SMARCA1: variants seen among roughly 807,000 people sequenced by gnomAD.
The protein encoded by SMARCA1 is SNF2 related chromatin remodeling ATPase 1, also known as SWI/SNF-related matrix-associated actin-dependent regulator of chromatin subfamily A member 1.
SMARCA1 carries 17 observed loss-of-function variants against 93.6 expected under a neutral mutation model. The ratio of observed to expected loss-of-function variants is 0.18; its 90% CI spans 0.12 to 0.27. SMARCA1 has a LOEUF of 0.27. Among genes scored for constraint, SMARCA1 ranks in the 10% least tolerant of loss-of-function variants. The pLI, the probability that SMARCA1 is intolerant of heterozygous loss-of-function variation, is 1.00. For synonymous variants in SMARCA1, 271 were observed against 271.4 expected (o/e 1.00, Z 0.01); for missense variants, 630 against 819.0 (o/e 0.77, Z 2.82).
chrX:129,515,808 C>T lies in SMARCA1; in HGVS notation c.530-21G>A, dbSNP rs201409449. ...CACATCTGGTGAAAAAATGCAAGGA[C>T]ATTTCATACTTTCATTAACATACTC... On this transcript the variant is annotated intron_variant, in intron 4 of 24. Transcript: ENST00000371121. 1.2e-4 allele frequency: 142 copies of T among 1,152,307 alleles called. No individual in the cohort carries two copies. The African/African-American group carries it at 1.9e-3, about 16-fold the overall frequency. 95.0% of individuals were successfully genotyped at this position (1,152,307 alleles called of 1,213,427 possible).
At chrX:129,490,400 TC>T (rs1240294105) in intron 14 of SMARCA1, among the ~76,000 whole-genome samples, 2 of 112,125 alleles carry the variant, frequency 1.8e-5, no homozygotes, top group Non-Finnish European at 3.8e-5. Context: ...ATGGGAAACT[TC>T]CAGGACAAAG....
intron 19 of SMARCA1, among the ~76,000 whole-genome samples, chrX:129,474,908 A>G (rs999677278): frequency 9.0e-5 from 10 of 110,764 alleles, no homozygotes; most frequent in African/African-American, 3.0e-4. Context: ...ATGGTGTTAC[A>G]AAGAGGAATT....
chrX:129,489,985 TA>T lies in SMARCA1; in HGVS notation c.1948+74del, dbSNP rs757636053. On this transcript the variant is annotated intron_variant, in intron 15 of 24. Transcript: ENST00000371121. The stretch of plus-strand genomic sequence containing the variant: ...TTTTCAAATTTTGGTCAACTTTTAT[TA>T]AAAGTAATCTCCTTTGAAGAAAACT... 2,952 of 801,486 alleles carry T rather than the reference TA, an allele frequency of 3.7e-3. 2 individuals are homozygous for T. Among genetic ancestry groups the T allele is most frequent in the Non-Finnish European group, 4.7e-3 (2,663 of 571,374 alleles). The allele number at this position is 801,486 out of a possible 1,213,427, so 66.1% of individuals were successfully genotyped here.
chrX:129,464,814 T>A (rs12387310), intron 23 of SMARCA1, among the ~76,000 whole-genome samples: 19,419 of 111,081 alleles, frequency 0.17, 1,493 homozygotes, highest in East Asian at 0.33. Flanking sequence ...TAATGTGCCT[T>A]CTGATGGGAT....
chrX:129,497,019 ACACC>A (rs1934361245), intron 11 of SMARCA1, 148 bp from the exon 12 acceptor site: 3 of 415,105 alleles, frequency 7.2e-6, no homozygotes, highest in Non-Finnish European at 1.2e-5. Context: ...ACACACACAC[ACACC>A]CCCACACACC....
chrX:129,492,512 A>C lies in SMARCA1; in HGVS notation c.1663-419T>G, dbSNP rs191938975. Among the ~76,000 whole-genome samples, 79 of 111,553 alleles carry C rather than the reference A, an allele frequency of 7.1e-4. 1 individual carries two copies. Among genetic ancestry groups the C allele is most frequent in the African/African-American group, 2.5e-3 (76 of 30,814 alleles). ...CAGAAATCTCAACTTCATTTCCATT[A>C]GCTTATGAATGATTAGTTTAGAAGA... On this transcript the variant is annotated intron_variant, in intron 13 of 24. Transcript: ENST00000371121.
Position 129,518,294 on chromosome X carries a change from C to T in SMARCA1, c.261+67G>A, listed in dbSNP as rs1218511502. The T allele has an allele frequency of 1.5e-5, 9 of 587,000 alleles. No individual in the cohort carries two copies. The East Asian group carries it at 3.2e-4, about 21-fold the overall frequency. The allele number at this position is 587,000 out of a possible 1,213,427, so 48.4% of individuals were successfully genotyped here. On this transcript the variant is annotated intron_variant, in intron 2 of 24. Coordinates refer to ENST00000371121, the MANE Select transcript of SMARCA1 (RefSeq NM_001282874.2). ...CATTATATATATACATGTATTTTTT[C>T]ATCTTTAACATCTCAACTATAAAAA...
chrX:129,447,367 T>C (rs1932057187), intron 24 of SMARCA1, 134 bp from the exon 25 acceptor site: 1 of 642,146 alleles, frequency 1.6e-6, no homozygotes, highest in African/African-American at 2.2e-5. Flanking sequence ...ATATTCACAG[T>C]TAATGTTCTA....
At chrX:129,516,615 T>C in intron 2 of SMARCA1, 118 bp from the exon 3 acceptor site, 1 of 585,836 alleles carries the variant, frequency 1.7e-6, no homozygotes, top group Non-Finnish European at 2.7e-6. Context: ...CATTCAATTC[T>C]CTTAAGAAAC....
At chrX:129,466,103 AAT>A in intron 21 of SMARCA1, 141 bp from the exon 22 acceptor site, 1 of 279,584 alleles carries the variant, frequency 3.6e-6, no homozygotes. Context: ...TTATATATAT[AAT>A]ATGTTAAATT....
chrX:129,522,428 T>C (rs1195766237), intron 1 of SMARCA1, among the ~76,000 whole-genome samples: 1 of 105,355 alleles, frequency 9.5e-6, no homozygotes, highest in Non-Finnish European at 1.9e-5. Context: ...GGGGTGGCCC[T>C]GGAGTGAAAC....
rs754279974 is a variant in SMARCA1 at position 129,511,978 on chromosome X, A to G, written c.636T>C (p.Leu212=). ...AAGCAATTGTTTGTAAAGTTTTCCCAAGGCCCTGCATTATCATCACAAGGA... is the reference window on the plus strand; with the variant it reads ...AAGCAATTGTTTGTAAAGTTTTCCCGAGGCCCTGCATTATCATCACAAGGA... ...VNGILADEMG[L]GKTLQTIALL... is the part of the protein sequence containing the mutation. Residue 212 remains leucine, a synonymous_variant, in exon 6 of 25, where the codon CTT becomes CTC. Transcript: ENST00000371121. The G allele has an allele frequency of 1.7e-6, 2 of 1,192,463 alleles. No homozygotes were observed. The highest frequency in any genetic ancestry group is 2.3e-5 in the Admixed American group (1 of 43,610).
At chrX:129,481,263 C>A in intron 17 of SMARCA1, 78 bp from the exon 18 acceptor site, 2 of 612,507 alleles carry the variant, frequency 3.3e-6, no homozygotes, top group Non-Finnish European at 5.2e-6. Context: ...ATCGAGGCTG[C>A]AGAAACATAA....
At chrX:129,505,370 G>A (rs1358614615) in intron 8 of SMARCA1, among the ~76,000 whole-genome samples, 6 of 110,527 alleles carry the variant, frequency 5.4e-5, no homozygotes, top group African/African-American at 2.0e-4. Flanking sequence ...AAATTAGCCA[G>A]GTGTGGTGAC....
intron 17 of SMARCA1, among the ~76,000 whole-genome samples, chrX:129,484,193 C>T (rs1193459930): frequency 8.9e-6 from 1 of 112,279 alleles, no homozygotes; most frequent in African/African-American, 3.2e-5. Context: ...AGAAGCTCCA[C>T]TGGTATTTAG....
chrX:129,496,626 G>T, intron 12 of SMARCA1, 124 bp downstream of exon 12: 1 of 515,264 alleles, frequency 1.9e-6, no homozygotes, highest in Non-Finnish European at 3.2e-6. Context: ...AGAAAGAGAT[G>T]CTAATGAGAA....
At chrX:129,472,065 T>C (rs1462422790) in intron 19 of SMARCA1, among the ~76,000 whole-genome samples, 1 of 111,782 alleles carries the variant, frequency 8.9e-6, no homozygotes, top group Non-Finnish European at 1.9e-5. Context: ...AGAAAGCAAG[T>C]TGTCACCTGT....
In SMARCA1 at chrX:129,523,068, C is replaced by T. The variant is rs1935469085; in HGVS notation, c.174+129G>A. ...GCCAGGCGGTTCCGCCGCCGACCCCCGCACCCGCCGCCCCTAGCCCCGCAA... is the reference window on the plus strand; with the variant it reads ...GCCAGGCGGTTCCGCCGCCGACCCCTGCACCCGCCGCCCCTAGCCCCGCAA... On this transcript the variant is annotated intron_variant, in intron 1 of 24. Coordinates refer to ENST00000371121, the MANE Select transcript of SMARCA1 (RefSeq NM_001282874.2). 1.4e-5 allele frequency: 11 copies of T among 760,451 alleles called. No homozygotes were observed. In the East Asian group the frequency reaches 3.2e-4, roughly 22 times the overall value. The allele number at this position is 760,451 out of a possible 1,213,427, so 62.7% of individuals were successfully genotyped here. A position where few individuals can be genotyped will look rare whatever the true frequency, so the allele number is the denominator to read the frequency against.
At chrX:129,514,261 G>A (rs1019196413) in intron 5 of SMARCA1, among the ~76,000 whole-genome samples, 3 of 111,542 alleles carry the variant, frequency 2.7e-5, no homozygotes, top group African/African-American at 9.8e-5. Flanking sequence ...AGATTGCAGT[G>A]AGCCGAGATC....
Sources: allele counts gnomAD v4.1 joint callset (sites outside exome capture counted in the v4.1 genomes callset), GRCh38; gene constraint gnomAD v4.1.1; transcripts MANE v1.5; gene names NCBI Gene and HGNC (gene_info 2026-07-23, HGNC 2026-07-21).